SYNE2: variants seen among roughly 807,000 people sequenced by gnomAD.
The protein encoded by SYNE2 is spectrin repeat containing nuclear envelope protein 2, also known as nesprin-2.
Under a neutral mutation model 856.3 loss-of-function variants are expected in SYNE2, and 431 were observed. The observed-to-expected ratio is 0.50, with a 90% CI of 0.47 to 0.55. The LOEUF is 0.55. Among genes scored for constraint, SYNE2 ranks in the 20% least tolerant of loss-of-function variants. The pLI, the probability that SYNE2 is intolerant of heterozygous loss-of-function variation, is 0.00. For synonymous variants in SYNE2, 2,923 were observed against 2,872.3 expected, an observed-to-expected ratio of 1.02 and a Z score of -0.56; for missense variants, 8,129 against 8,023.2, an observed-to-expected ratio of 1.01 and a Z score of -0.50.
intron 2 of SYNE2, among the ~76,000 whole-genome samples, chr14:63,913,464 T>C (rs1367524176): frequency 6.8e-6 from 1 of 147,324 alleles, no homozygotes; most frequent in Non-Finnish European, 1.5e-5. Flanking sequence ...TTTTCTTTCT[T>C]TCTTTTTTTT....
At chr14:64,208,548 G>C (rs1006892364) in intron 100 of SYNE2, among the ~76,000 whole-genome samples, 2 of 152,216 alleles carry the variant, frequency 1.3e-5, no homozygotes, top group Non-Finnish European at 2.9e-5. Context: ...GATGTTTCCA[G>C]TGTTTAAACT....
chr14:64,095,793 A>C (rs1408284842), intron 61 of SYNE2, among the ~76,000 whole-genome samples: 1 of 152,094 alleles, frequency 6.6e-6, no homozygotes, highest in Non-Finnish European at 1.5e-5. Context: ...TTTCCTCCCA[A>C]AAAATGTTGC....
rs2096939276 is a variant in SYNE2 at position 64,022,039 on chromosome 14, C to T, written c.5524+11C>T. 6.2e-7 allele frequency: 1 copy of T among 1,612,690 alleles called. No individual in the cohort carries two copies. The highest frequency in any genetic ancestry group is 8.5e-7 in the Non-Finnish European group (1 of 1,179,206). On this transcript the variant is annotated intron_variant, in intron 37 of 115. Transcript: ENST00000555002. ...CTAAGTTATTGAATGGTGAGTGCAACATTTCTCTTATTTTGTTTCTGGGAC... is the reference window on the plus strand; with the variant it reads ...CTAAGTTATTGAATGGTGAGTGCAATATTTCTCTTATTTTGTTTCTGGGAC...
At chr14:64,161,815 A>T (rs2098332269) in intron 87 of SYNE2, among the ~76,000 whole-genome samples, 1 of 152,104 alleles carries the variant, frequency 6.6e-6, no homozygotes, top group Non-Finnish European at 1.5e-5. Context: ...AACATTCATA[A>T]CATCATAGGT....
chr14:64,031,754 G>A (rs190594784), intron 45 of SYNE2, among the ~76,000 whole-genome samples: 12 of 152,274 alleles, frequency 7.9e-5, no homozygotes, highest in South Asian at 4.1e-4. Context: ...AGAGACTGTC[G>A]GAAAGGATAG....
At chr14:64,191,064 A>C (rs1325871406) in intron 99 of SYNE2, 2 of 702,190 alleles carry the variant, frequency 2.8e-6, no homozygotes, top group Non-Finnish European at 5.2e-6. Flanking sequence ...CAACACATAG[A>C]ATTTGGAATA....
intron 99 of SYNE2, 31 bp downstream of exon 99, chr14:64,190,268 C>T (rs1450058477): frequency 1.2e-6 from 2 of 1,613,236 alleles, no homozygotes; most frequent in Non-Finnish European, 1.7e-6. Flanking sequence ...GATTACTCTC[C>T]AGGAACAGTA....
At chr14:64,100,184 C>T (rs2097709604) in intron 63 of SYNE2, 1 of 151,834 alleles carries the variant, frequency 6.6e-6, no homozygotes, top group South Asian at 2.1e-4. Flanking sequence ...TTTGTAGGGA[C>T]ATGGATGAAA....
At chr14:63,883,304 C>T (rs1186118811) in intron 1 of SYNE2, among the ~76,000 whole-genome samples, 2 of 152,164 alleles carry the variant, frequency 1.3e-5, no homozygotes, top group African/African-American at 4.8e-5. Context: ...AGTGATCCAC[C>T]TGCCTTGGCC....
chr14:63,770,956 TG>T (rs929343098), intron 1 of SYNE2, among the ~76,000 whole-genome samples: 3 of 152,120 alleles, frequency 2.0e-5, no homozygotes, highest in African/African-American at 7.2e-5. Flanking sequence ...TCCTCCTGCC[TG>T]GGCCTCCAAA....
At chr14:64,183,057 G>A (rs1431714980) in intron 96 of SYNE2, among the ~76,000 whole-genome samples, 2 of 150,992 alleles carry the variant, frequency 1.3e-5, no homozygotes, top group Non-Finnish European at 3.0e-5. Context: ...CTGCTGGGCG[G>A]AGACGCTCCT....
intron 2 of SYNE2, among the ~76,000 whole-genome samples, chr14:63,916,898 A>G (rs2095539511): frequency 6.6e-6 from 1 of 152,016 alleles, no homozygotes; most frequent in Non-Finnish European, 1.5e-5. Flanking sequence ...AGCCTGGGCA[A>G]TGTAGTGAGA....
chr14:64,124,121 C>T (rs935172388), intron 70 of SYNE2, among the ~76,000 whole-genome samples: 2 of 152,068 alleles, frequency 1.3e-5, no homozygotes, highest in African/African-American at 4.8e-5. Context: ...AGGAAAATTG[C>T]TGGAACCCAG....
chr14:63,945,977 C>T (rs1486210237), intron 6 of SYNE2, among the ~76,000 whole-genome samples: 1 of 152,134 alleles, frequency 6.6e-6, no homozygotes, highest in Non-Finnish European at 1.5e-5. Flanking sequence ...TGATCTTTAG[C>T]TTTAGTATAT....
In SYNE2 at chr14:63,963,924, G is replaced by C. The variant is rs753094031; in HGVS notation, c.914G>C (p.Trp305Ser). The change falls in exon 10 of 116, where the codon TGG becomes TCG. Residue 305 changes from tryptophan to serine, a missense_variant. By Grantham distance (177) the Trp-to-Ser change is radical (BLOSUM62 -3). Coordinates refer to ENST00000555002, the MANE Select transcript of SYNE2 (RefSeq NM_182914.3). The stretch of plus-strand genomic sequence containing the variant: ...GGAAAGGTGAAAGATGCTATGGGCT[G>C]GTTAACTCTGCAAAAGGAAAAACTA... ...AQGKVKDAMGWLTLQKEKLQK... is the reference protein window; with the variant it reads ...AQGKVKDAMGSLTLQKEKLQK... 1 of 1,612,464 alleles carries C rather than the reference G, an allele frequency of 6.2e-7. No homozygotes were observed. Among genetic ancestry groups the C allele is most frequent in the South Asian group, 1.1e-5 (1 of 91,030 alleles).
chr14:64,031,721 G>A (rs930349321), intron 45 of SYNE2, among the ~76,000 whole-genome samples: 1 of 152,174 alleles, frequency 6.6e-6, no homozygotes, highest in Admixed American at 6.5e-5. Flanking sequence ...CAATTTTTGG[G>A]GGGTTGATTT....
At chr14:64,122,195 G>GT in intron 69 of SYNE2, 62 bp downstream of exon 69, 1 of 1,613,942 alleles carries the variant, frequency 6.2e-7, no homozygotes, top group Non-Finnish European at 8.5e-7. Flanking sequence ...AATTAAGAGT[G>GT]TTTCTTTTAA....
At chr14:64,141,795 G>A in intron 81 of SYNE2, 147 bp from the exon 82 acceptor site, 2 of 1,025,762 alleles carry the variant, frequency 1.9e-6, no homozygotes, top group South Asian at 3.1e-5. Flanking sequence ...CTTATTCTAA[G>A]TTTGAATGCT....
intron 82 of SYNE2, among the ~76,000 whole-genome samples, chr14:64,142,687 C>T (rs1355762612): frequency 1.3e-5 from 2 of 152,146 alleles, no homozygotes; most frequent in Non-Finnish European, 2.9e-5. Context: ...GACCAGGGGC[C>T]ATCCTTCACC....
Sources: gnomAD v4.1 joint callset for allele counts (sites outside exome capture counted in the v4.1 genomes callset) on GRCh38, gnomAD v4.1.1 for gene constraint, MANE v1.5 for transcripts, NCBI Gene and HGNC (gene_info 2026-07-23, HGNC 2026-07-21) for gene names.